IPCEF1: variants seen among roughly 807,000 people sequenced by gnomAD.
The protein encoded by IPCEF1 is interactor protein for cytohesin exchange factors 1.
Under a neutral mutation model 50.9 loss-of-function variants are expected in IPCEF1, and 31 were observed. The observed-to-expected ratio is 0.61, with a 90% CI of 0.46 to 0.82. IPCEF1 has a LOEUF of 0.82. Among genes scored for constraint, IPCEF1 ranks in the 40% least tolerant of loss-of-function variants. The probability of loss-of-function intolerance (pLI) is 0.00; values close to 1 mark genes in which losing one functional copy is unlikely to be tolerated. For missense variants in IPCEF1, 458 were observed against 514.0 expected (o/e 0.89, Z 1.05); for synonymous variants, 181 against 192.0 (o/e 0.94, Z 0.47).
chr6:154,182,278 G>A (rs1800951511), intron 10 of IPCEF1, among the ~76,000 whole-genome samples: 1 of 152,056 alleles, frequency 6.6e-6, no homozygotes, highest in Admixed American at 6.5e-5. Flanking sequence ...TGTGTTTGAT[G>A]TTTCTGTTAA....
intron 1 of IPCEF1, among the ~76,000 whole-genome samples, chr6:154,328,902 GA>G (rs1783588308): frequency 6.6e-6 from 1 of 152,144 alleles, no homozygotes; most frequent in Non-Finnish European, 1.5e-5. Flanking sequence ...AGCTATTACT[GA>G]ACTTCAAAGT....
chr6:154,180,361 T>G lies in IPCEF1; in HGVS notation c.911-12248A>C, dbSNP rs528803478. Among the ~76,000 whole-genome samples, 856 of 149,330 alleles carry G rather than the reference T, an allele frequency of 5.7e-3. 12 individuals carry two copies. Among genetic ancestry groups the G allele is most frequent in the African/African-American group, 0.02 (830 of 40,574 alleles). ...AAGAAAGGAGACATATATATATATA[T>G]ACTGAGCTAGTTTAACAACAACAAC... is the stretch of plus-strand genomic sequence containing the variant. On this transcript the variant is annotated intron_variant, in intron 10 of 11. Coordinates refer to ENST00000367220, the MANE Select transcript of IPCEF1 (RefSeq NM_001130700.2).
intron 4 of IPCEF1, 114 bp downstream of exon 4, chr6:154,247,335 C>G (rs1781139162): frequency 2.6e-6 from 2 of 765,412 alleles, no homozygotes; most frequent in Non-Finnish European, 4.5e-6. Flanking sequence ...CCGTCCACCT[C>G]CTCTTATTAG....
intron 3 of IPCEF1, among the ~76,000 whole-genome samples, chr6:154,248,276 A>G (rs1781213972): frequency 6.6e-6 from 1 of 151,674 alleles, no homozygotes; most frequent in East Asian, 1.9e-4. Flanking sequence ...ATCAGCAAAA[A>G]TAAAAAATAT....
chr6:154,232,467 G>GA (rs142748983), intron 5 of IPCEF1, among the ~76,000 whole-genome samples: 2,260 of 152,266 alleles, frequency 0.015, 51 homozygotes, highest in African/African-American at 0.051. Flanking sequence ...CCAAGTGCCA[G>GA]ACCTAGAACA....
chr6:154,312,177 C>A (rs780810142), intron 1 of IPCEF1, among the ~76,000 whole-genome samples: 2 of 152,042 alleles, frequency 1.3e-5, no homozygotes, highest in Non-Finnish European at 2.9e-5. Context: ...CACAGATGAA[C>A]CTGGAGGACA....
chr6:154,320,406 C>T (rs751165084), intron 1 of IPCEF1, among the ~76,000 whole-genome samples: 1 of 152,166 alleles, frequency 6.6e-6, no homozygotes, highest in Non-Finnish European at 1.5e-5. Flanking sequence ...AGAGATGAGA[C>T]TCAATGAGTG....
chr6:154,268,954 T>C (rs949992394), intron 2 of IPCEF1, among the ~76,000 whole-genome samples: 1 of 152,122 alleles, frequency 6.6e-6, no homozygotes, highest in African/African-American at 2.4e-5. Flanking sequence ...CATCACCTTA[T>C]TTTTTATTCA....
chr6:154,281,390 G>A (rs1782208228), intron 2 of IPCEF1, among the ~76,000 whole-genome samples: 1 of 151,866 alleles, frequency 6.6e-6, no homozygotes, highest in Admixed American at 6.6e-5. Flanking sequence ...AGCCTTGTGT[G>A]GTGGTGCATG....
chr6:154,201,000 TAGTG>T (rs1310795103), intron 9 of IPCEF1, among the ~76,000 whole-genome samples: 1 of 152,180 alleles, frequency 6.6e-6, no homozygotes, highest in Non-Finnish European at 1.5e-5. Context: ...GTTCTCATGA[TAGTG>T]AGTGAGTTCT....
intron 1 of IPCEF1, among the ~76,000 whole-genome samples, chr6:154,315,518 G>T (rs1300655621): frequency 6.6e-6 from 1 of 152,098 alleles, no homozygotes. Context: ...TAGTTATAAG[G>T]CATAAGGCAA....
At chr6:154,331,066 A>C (rs1783647852) in intron 1 of IPCEF1, among the ~76,000 whole-genome samples, 1 of 152,072 alleles carries the variant, frequency 6.6e-6, no homozygotes, top group Non-Finnish European at 1.5e-5. Context: ...CAGGAGTTTG[A>C]GACCAGGCTG....
At chr6:154,326,343 C>A (rs1372168805) in intron 1 of IPCEF1, among the ~76,000 whole-genome samples, 1 of 152,164 alleles carries the variant, frequency 6.6e-6, no homozygotes, top group Admixed American at 6.6e-5. Context: ...CCAAAACCTT[C>A]TTAAGCTGAT....
Position 154,158,927 on chromosome 6 carries a change from T to G in IPCEF1, c.*901A>C, listed in dbSNP as rs1387211586. The G allele has an allele frequency of 6.6e-6, 1 of 152,138 alleles. No individual in the cohort carries two copies. The highest frequency in any genetic ancestry group is 1.9e-4 in the East Asian group (1 of 5,198). 9.4% of individuals were successfully genotyped at this position (152,138 alleles called of 1,614,324 possible). ...GTTTTTGTTTTTTTGTTTTTTTGAG[T>G]AAAGATATTAAAACAATTCAGATGC... On this transcript the variant is annotated 3_prime_UTR_variant, in exon 12 of 12. Coordinates refer to ENST00000367220, the MANE Select transcript of IPCEF1 (RefSeq NM_001130700.2).
chr6:154,325,458 C>T (rs145568437), intron 1 of IPCEF1, among the ~76,000 whole-genome samples: 121 of 152,264 alleles, frequency 7.9e-4, no homozygotes, highest in Middle Eastern at 3.4e-3. Flanking sequence ...ACATCACTTC[C>T]CACCATGTAA....
At chr6:154,334,729 A>T (rs557107025) in intron 1 of IPCEF1, among the ~76,000 whole-genome samples, 1 of 152,378 alleles carries the variant, frequency 6.6e-6, no homozygotes, top group African/African-American at 2.4e-5. Context: ...GGCCTTGGAC[A>T]GGCCACTTAA....
chr6:154,176,423 C>A (rs1800336848), intron 10 of IPCEF1, among the ~76,000 whole-genome samples: 1 of 152,010 alleles, frequency 6.6e-6, no homozygotes. Flanking sequence ...TTTAGAAAAC[C>A]CCATCATCTC....
In IPCEF1 at chr6:154,156,686, C is replaced by T. The variant is rs1025191874; in HGVS notation, c.*3142G>A. 9.2e-5 allele frequency: 14 copies of T among 152,182 alleles called. No homozygotes were observed. The highest frequency in any genetic ancestry group is 2.9e-4 in the African/African-American group (12 of 41,440). The allele number at this position is 152,182 out of a possible 1,614,324, so 9.4% of individuals were successfully genotyped here. ...CTTTGTAATCCTATACTTTAGGAGT[C>T]TTTCTAGGCCTTTGATCCTATTCTG... On this transcript the variant is annotated 3_prime_UTR_variant, in exon 12 of 12. Transcript: ENST00000367220.
intron 10 of IPCEF1, among the ~76,000 whole-genome samples, chr6:154,184,738 T>C (rs902444707): frequency 1.1e-4 from 17 of 151,430 alleles, no homozygotes; most frequent in South Asian, 4.3e-4. Context: ...ATTGGGAAAA[T>C]GCTGGTAAAG....
Sources: allele counts gnomAD v4.1 joint callset (sites outside exome capture counted in the v4.1 genomes callset), GRCh38; gene constraint gnomAD v4.1.1; transcripts MANE v1.5; gene names NCBI Gene and HGNC (gene_info 2026-07-23, HGNC 2026-07-21).